IQANK1: variants seen among roughly 807,000 people sequenced by gnomAD.
IQANK1 encodes the protein IQ motif and ankyrin repeat domain-containing protein 1.
In IQANK1, 30 loss-of-function variants were observed where a neutral mutation model predicts 22.6. That is an observed-to-expected ratio of 1.33 (90% CI 0.99 to 1.80). The LOEUF (loss-of-function observed/expected upper bound fraction) is 1.80. Ranked by LOEUF, IQANK1 falls within the 40% of genes most tolerant of loss-of-function variation. The pLI, the probability that IQANK1 is intolerant of heterozygous loss-of-function variation, is 0.00. For synonymous variants in IQANK1, 122 were observed against 99.6 expected (o/e 1.23, Z -1.34); for missense variants, 275 against 235.2 (o/e 1.17, Z -1.11).
intron 3 of IQANK1, chr8:143,742,084 GT>G (rs1215411086): frequency 2.1e-5 from 7 of 331,490 alleles, no homozygotes; most frequent in Non-Finnish European, 3.6e-5. Flanking sequence ...CTCTAGGAGC[GT>G]CCCCACAGGA....
At chr8:143,755,567 T>A (rs1819276250) in intron 3 of IQANK1, among the ~76,000 whole-genome samples, 2 of 152,138 alleles carry the variant, frequency 1.3e-5, no homozygotes, top group South Asian at 4.1e-4. Flanking sequence ...TTTCATCATG[T>A]TGGCCAGGCT....
chr8:143,742,854 T>A (rs1262970913), intron 3 of IQANK1: 3 of 456,010 alleles, frequency 6.6e-6, no homozygotes, highest in African/African-American at 6.0e-5. Flanking sequence ...CCTGTGCTGC[T>A]GTCACGGTGC....
At chr8:143,760,467 G>A (rs1351395059) in intron 3 of IQANK1, 2 of 151,188 alleles carry the variant, frequency 1.3e-5, no homozygotes, top group South Asian at 2.1e-4. Context: ...CTGGAGTGCA[G>A]GAGTTCAAGA....
chr8:143,772,129 T>C lies in IQANK1; in HGVS notation c.549T>C (p.Ala183=). 1 of 395,560 alleles carries C rather than the reference T, an allele frequency of 2.5e-6. No individual in the cohort carries two copies. Among genetic ancestry groups the C allele is most frequent in the African/African-American group, 2.1e-5 (1 of 48,516 alleles). 24.5% of individuals were successfully genotyped at this position (395,560 alleles called of 1,614,324 possible). The change falls in exon 6 of 14, where the codon GCT becomes GCC. Residue 183 remains alanine (A), a synonymous_variant. Coordinates refer to ENST00000527139, the MANE Select transcript of IQANK1 (RefSeq NM_001381874.1). ...CGCGGCGGCTGCAGCGACGCGTGGC[T>C]CTGGCGGAGTGCGAGGACAGCTACG... The part of the protein sequence containing the change: ...GEARRLQRRV[A]LAECEDSYGN...
At chr8:143,752,372 T>G (rs1819213043) in intron 3 of IQANK1, among the ~76,000 whole-genome samples, 1 of 152,214 alleles carries the variant, frequency 6.6e-6, no homozygotes, top group Non-Finnish European at 1.5e-5. Context: ...TGTGACAAGT[T>G]TCTTCCCTCT....
chr8:143,789,703 C>T (rs549672175), intron 10 of IQANK1, 58 bp from the exon 11 acceptor site: 20 of 1,222,098 alleles, frequency 1.6e-5, no homozygotes, highest in Non-Finnish European at 1.8e-5. Context: ...CGGGCAGCTG[C>T]CCTCTCCAGC....
At chr8:143,742,422 C>T (rs1554626673) in intron 3 of IQANK1, 1 of 456,020 alleles carries the variant, frequency 2.2e-6, no homozygotes. Flanking sequence ...GCATTGGTGC[C>T]CTCCCCAGGA....
chr8:143,770,959 A>G (rs1819559516), intron 3 of IQANK1, among the ~76,000 whole-genome samples: 1 of 152,174 alleles, frequency 6.6e-6, no homozygotes, highest in South Asian at 2.1e-4. Flanking sequence ...GCTCGGGCTC[A>G]GCGCTCCGTT....
Position 143,772,469 on chromosome 8 carries a change from G to A in IQANK1, c.776G>A (p.Ser259Asn). ...CCCCGGGTGTACGCAGAGGACGGGA[G>A]CACCCCTGAGCGGGTGTGGACCCCA... ...ADPRVYAEDG[S>N]TPERVASLDT... The change falls in exon 7 of 14, where the codon AGC becomes AAC. Residue 259 changes from serine (S) to asparagine (N), a missense_variant. Physicochemically the swap from Ser to Asn is conservative, Grantham distance 46 (BLOSUM62 1). Coordinates refer to ENST00000527139, the MANE Select transcript of IQANK1 (RefSeq NM_001381874.1). 1 of 399,022 alleles carries A rather than the reference G, an allele frequency of 2.5e-6. No homozygotes were observed. Among genetic ancestry groups the A allele is most frequent in the Non-Finnish European group, 4.4e-6 (1 of 226,126 alleles). The allele number at this position is 399,022 out of a possible 1,614,324, so 24.7% of individuals were successfully genotyped here. A position where few individuals can be genotyped will look rare whatever the true frequency, so the allele number is the denominator to read the frequency against.
At chr8:143,757,078 C>T (rs1819307176) in intron 3 of IQANK1, among the ~76,000 whole-genome samples, 2 of 152,122 alleles carry the variant, frequency 1.3e-5, no homozygotes, top group South Asian at 4.1e-4. Flanking sequence ...AAGCTTCAAA[C>T]AATATTCATA....
intron 3 of IQANK1, among the ~76,000 whole-genome samples, chr8:143,753,456 T>A (rs1196834819): frequency 6.7e-6 from 1 of 150,348 alleles, no homozygotes; most frequent in Non-Finnish European, 1.5e-5. Context: ...TAGGGAAAGT[T>A]TCTTTTTTTT....
Position 143,748,356 on chromosome 8 carries a change from C to T in IQANK1, c.175+8408C>T, listed in dbSNP as rs180845179. ...CCTGGTGGTTCTATCCATATGGGGG[C>T]GGGTATTATCTCCAACTATTATTGT... On this transcript the variant is annotated intron_variant, in intron 3 of 13. Coordinates refer to ENST00000527139, the MANE Select transcript of IQANK1 (RefSeq NM_001381874.1). Among the ~76,000 whole-genome samples, 210 of 150,162 alleles carry T rather than the reference C, an allele frequency of 1.4e-3. 1 individual carries two copies. The highest frequency in any genetic ancestry group is 2.5e-3 in the Non-Finnish European group (170 of 67,794).
intron 3 of IQANK1, among the ~76,000 whole-genome samples, chr8:143,740,340 G>T (rs573509160): frequency 3.3e-5 from 5 of 152,122 alleles, no homozygotes; most frequent in African/African-American, 1.2e-4. Context: ...GGCCCTGCGC[G>T]TCGCCTTGGG....
At chr8:143,752,667 T>C (rs1183290055) in intron 3 of IQANK1, among the ~76,000 whole-genome samples, 1 of 152,226 alleles carries the variant, frequency 6.6e-6, no homozygotes, top group African/African-American at 2.4e-5. Context: ...TGTACTTAGA[T>C]ACACAAATAC....
chr8:143,748,494 T>C (rs1343529145), intron 3 of IQANK1, among the ~76,000 whole-genome samples: 9 of 140,012 alleles, frequency 6.4e-5, no homozygotes, highest in African/African-American at 1.8e-4. Context: ...ATATAGATGA[T>C]ATATATGATA....
chr8:143,780,049 C>T (rs1384735026), intron 7 of IQANK1, among the ~76,000 whole-genome samples: 1 of 152,088 alleles, frequency 6.6e-6, no homozygotes, highest in East Asian at 1.9e-4. Context: ...AGTTGTGGCT[C>T]AATTATTTAC....
chr8:143,785,115 G>A (rs1819862474), intron 7 of IQANK1, among the ~76,000 whole-genome samples: 1 of 151,910 alleles, frequency 6.6e-6, no homozygotes, highest in African/African-American at 2.4e-5. Context: ...CTCTCTTTGA[G>A]CACAGTAAAT....
At chr8:143,748,369 C>G (rs1819075437) in intron 3 of IQANK1, among the ~76,000 whole-genome samples, 1 of 149,800 alleles carries the variant, frequency 6.7e-6, no homozygotes, top group African/African-American at 2.5e-5. Context: ...GTATTATCTC[C>G]AACTATTATT....
chr8:143,782,663 G>A (rs1013223585), intron 7 of IQANK1, among the ~76,000 whole-genome samples: 1 of 152,090 alleles, frequency 6.6e-6, no homozygotes, highest in African/African-American at 2.4e-5. Flanking sequence ...TATTAGTAGA[G>A]ACAGGGTTTC....
Sources: gnomAD v4.1 joint callset for allele counts (sites outside exome capture counted in the v4.1 genomes callset) on GRCh38, gnomAD v4.1.1 for gene constraint, MANE v1.5 for transcripts, NCBI Gene and HGNC (gene_info 2026-07-23, HGNC 2026-07-21) for gene names.